Variants in CDH4 observed in about 807,000 individuals in gnomAD.
CDH4 encodes the protein cadherin-4.
Under a neutral mutation model 86.0 loss-of-function variants are expected in CDH4, and 33 were observed. That is an observed-to-expected ratio of 0.38 (90% CI 0.29 to 0.51). CDH4 has a LOEUF of 0.51. Among genes scored for constraint, CDH4 ranks in the 20% least tolerant of loss-of-function variants. The probability of loss-of-function intolerance (pLI) is 0.86; values close to 1 mark genes in which losing one functional copy is unlikely to be tolerated. For synonymous variants in CDH4, 555 were observed against 549.4 expected (o/e 1.01, Z -0.14); for missense variants, 1,114 against 1,307.4 (o/e 0.85, Z 2.28).
At position 61,936,932 on chromosome 20, in the gene CDH4, G is replaced by A; in HGVS notation, c.2740G>A (p.Glu914Lys). Residue 914 changes from glutamate (E) to lysine (K), a missense_variant, in exon 16 of 16, where the codon GAA becomes AAA. Around this residue, in one of 3 missense-constraint regions of CDH4, gnomAD observed 188 missense variants for 183.8 expected, o/e 1.02. Coordinates refer to ENST00000614565, the MANE Select transcript of CDH4 (RefSeq NM_001794.5). ...GCTGGCGGACATGTATGGAGGTGGT[G>A]AAGAGGATTGACTGACCTCGCATCT... ...KKLADMYGGG[E>K]ED 6.3e-7 allele frequency: 1 copy of A among 1,577,308 alleles called. No individual in the cohort carries two copies. Among genetic ancestry groups the A allele is most frequent in the Non-Finnish European group, 8.6e-7 (1 of 1,161,006 alleles).
At chr20:61,808,004 C>G (rs1980230361) in intron 4 of CDH4, among the ~76,000 whole-genome samples, 1 of 152,220 alleles carries the variant, frequency 6.6e-6, no homozygotes, top group African/African-American at 2.4e-5. Flanking sequence ...CCAGCCCTGA[C>G]AATGAACCAG....
intron 2 of CDH4, among the ~76,000 whole-genome samples, chr20:61,374,631 A>G (rs2145438038): frequency 6.6e-6 from 1 of 152,162 alleles, no homozygotes; most frequent in East Asian, 1.9e-4. Context: ...ATCTGAACGG[A>G]CTCTCTCCTA....
At chr20:61,343,460 GT>G (rs1372763042) in intron 2 of CDH4, among the ~76,000 whole-genome samples, 1 of 152,240 alleles carries the variant, frequency 6.6e-6, no homozygotes, top group Non-Finnish European at 1.5e-5. Flanking sequence ...GGTGTCTGCT[GT>G]GTATCAGTGT....
At chr20:61,290,573 C>T (rs867898312) in intron 2 of CDH4, among the ~76,000 whole-genome samples, 11 of 152,212 alleles carry the variant, frequency 7.2e-5, no homozygotes, top group African/African-American at 2.2e-4. Flanking sequence ...TGGCAGACAG[C>T]GTGACATGTT....
intron 2 of CDH4, among the ~76,000 whole-genome samples, chr20:61,522,243 G>A (rs189569383): frequency 1.3e-5 from 2 of 152,240 alleles, no homozygotes; most frequent in Admixed American, 6.5e-5. Flanking sequence ...GCTTAGCCCC[G>A]GACCCAGTGG....
chr20:61,864,475 A>G (rs546920520), intron 6 of CDH4, among the ~76,000 whole-genome samples: 84 of 146,242 alleles, frequency 5.7e-4, no homozygotes, highest in African/African-American at 2.1e-3. Context: ...TGCCCCCAGA[A>G]ACACAAGAAA....
chr20:61,736,197 C>A (rs769152278), intron 2 of CDH4, among the ~76,000 whole-genome samples: 2 of 152,186 alleles, frequency 1.3e-5, no homozygotes, highest in Admixed American at 6.5e-5. Context: ...CGAGGGTCTT[C>A]CTGACACCAT....
chr20:61,381,178 T>C (rs553514909), intron 2 of CDH4, among the ~76,000 whole-genome samples: 1 of 152,288 alleles, frequency 6.6e-6, no homozygotes, highest in South Asian at 2.1e-4. Flanking sequence ...CTGCGCTCCT[T>C]AATGCGTCTT....
Position 61,510,834 on chromosome 20 carries a change from T to A in CDH4, c.170-232729T>A, listed in dbSNP as rs2085774164. On this transcript the variant is annotated intron_variant, in intron 2 of 15. Transcript: ENST00000614565. The surrounding 1 kb of genome is among the most constrained non-coding windows in gnomAD (Gnocchi z 4.2). ...TCAAGGTTCTGCAGACTTTGCAGGATGCCTGGTGCCAGCATCTGCTTAGCT... is the reference window on the plus strand; with the variant it reads ...TCAAGGTTCTGCAGACTTTGCAGGAAGCCTGGTGCCAGCATCTGCTTAGCT... Among the ~76,000 whole-genome samples, 1 of 150,724 alleles carries A rather than the reference T, an allele frequency of 6.6e-6. No individual in the cohort carries two copies. Among genetic ancestry groups the A allele is most frequent in the African/African-American group, 2.5e-5 (1 of 40,794 alleles).
In CDH4 at chr20:61,934,102, T is replaced by C; in HGVS notation, c.2426T>C (p.Val809Ala). 1 of 1,611,472 alleles carries C rather than the reference T, an allele frequency of 6.2e-7. No homozygotes were observed. ...CAGCAGCCGGAAGCCATGGGGCACG[T>C]GCCAAGCAAAGCCCCTGGCGTGCGT... Reference protein sequence around the residue: ...QLQQPEAMGHVPSKAPGVRRV... With the variant: ...QLQQPEAMGHAPSKAPGVRRV... The change falls in exon 15 of 16, where the codon GTG (valine) becomes GCG (alanine). Residue 809 changes from valine to alanine, a missense_variant. Val to Ala is a moderately conservative substitution (Grantham distance 64). Coordinates refer to ENST00000614565, the MANE Select transcript of CDH4 (RefSeq NM_001794.5).
chr20:61,563,525 G>A (rs559196567), intron 2 of CDH4, among the ~76,000 whole-genome samples: 1 of 152,326 alleles, frequency 6.6e-6, no homozygotes, highest in East Asian at 1.9e-4. Context: ...GGTGTGCAGG[G>A]TGGTAGCTGC....
intron 2 of CDH4, among the ~76,000 whole-genome samples, chr20:61,424,072 C>T (rs1391662876): frequency 6.6e-6 from 1 of 152,108 alleles, no homozygotes; most frequent in African/African-American, 2.4e-5. Flanking sequence ...CACATCCACA[C>T]ACAGCACACA....
intron 4 of CDH4, among the ~76,000 whole-genome samples, chr20:61,793,211 C>T (rs1979308872): frequency 6.6e-6 from 1 of 151,930 alleles, no homozygotes; most frequent in Non-Finnish European, 1.5e-5. Flanking sequence ...GTGATCTGGC[C>T]ACCTTGGCCT....
chr20:61,560,230 G>T (rs1259210007), intron 2 of CDH4, among the ~76,000 whole-genome samples: 1 of 152,056 alleles, frequency 6.6e-6, no homozygotes, highest in African/African-American at 2.4e-5. Context: ...ATCAAGGCCC[G>T]GGTAGCAGAT....
At chr20:61,547,880 G>A (rs1047438645) in intron 2 of CDH4, among the ~76,000 whole-genome samples, 26 of 152,216 alleles carry the variant, frequency 1.7e-4, no homozygotes, top group Non-Finnish European at 2.2e-4. Flanking sequence ...CAGAGCGACT[G>A]TATCCGTGTT....
intron 9 of CDH4, among the ~76,000 whole-genome samples, chr20:61,917,267 C>T (rs1477982523): frequency 1.3e-5 from 2 of 152,224 alleles, no homozygotes; most frequent in African/African-American, 4.8e-5. Flanking sequence ...AACCCAAATA[C>T]CATCTGTTAC....
chr20:61,315,699 G>A (rs551091455), intron 2 of CDH4, among the ~76,000 whole-genome samples: 7 of 152,232 alleles, frequency 4.6e-5, no homozygotes, highest in East Asian at 1.9e-4. Context: ...GATTTTTTAC[G>A]TTTTCATTAT....
intron 4 of CDH4, among the ~76,000 whole-genome samples, chr20:61,795,415 A>G (rs1979486395): frequency 6.6e-6 from 1 of 152,028 alleles, no homozygotes. Context: ...CTCTGCCTTT[A>G]AGGAGCCCCC....
intron 2 of CDH4, chr20:61,434,480 C>T (rs988912169): frequency 2.0e-4 from 30 of 152,132 alleles, no homozygotes; most frequent in Admixed American, 7.2e-4. Flanking sequence ...CTCAAAGAAA[C>T]CAGATCGGGT....
Sources: gnomAD v4.1 joint callset for allele counts (sites outside exome capture counted in the v4.1 genomes callset) on GRCh38, gnomAD v4.1.1 for gene constraint, gnomAD v4.1.1 regional missense constraint, Gnocchi (gnomAD v3.1) non-coding constraint, MANE v1.5 for transcripts, NCBI Gene and HGNC (gene_info 2026-07-23, HGNC 2026-07-21) for gene names.